Variants in NAGLU observed in about 807,000 individuals in gnomAD.
NAGLU encodes the protein alpha-N-acetylglucosaminidase.
Under a neutral mutation model 43.4 loss-of-function variants are expected in NAGLU, and 34 were observed. The observed-to-expected ratio is 0.78, with a 90% CI of 0.60 to 1.04. The LOEUF (loss-of-function observed/expected upper bound fraction) is 1.04. Ranked by LOEUF, NAGLU falls within the 50% of genes least tolerant of loss-of-function variation. NAGLU has a pLI of 0.00. For synonymous variants in NAGLU, 425 were observed against 437.6 expected (o/e 0.97, Z 0.36); for missense variants, 910 against 993.7 (o/e 0.92, Z 1.13).
At position 42,543,810 on chromosome 17, in the gene NAGLU, C is replaced by G; in HGVS notation, c.1804C>G (p.Leu602Val). ...LRAGGVLAYE[L>V]LPALDEVLAS... ...GGCTGGAGGCGTCCTGGCCTATGAG[C>G]TGCTGCCGGCACTGGACGAGGTGCT... Residue 602 changes from leucine (L) to valine (V), a missense_variant, in exon 6 of 6, where the codon CTG becomes GTG. Coordinates refer to ENST00000225927, the MANE Select transcript of NAGLU (RefSeq NM_000263.4). 1 of 1,606,120 alleles carries G rather than the reference C, an allele frequency of 6.2e-7. No homozygotes were observed. Among genetic ancestry groups the G allele is most frequent in the Non-Finnish European group, 8.5e-7 (1 of 1,176,910 alleles).
chr17:42,537,696 G>C, intron 2 of NAGLU, 151 bp downstream of exon 2: 1 of 1,153,684 alleles, frequency 8.7e-7, no homozygotes, highest in South Asian at 1.5e-5. Context: ...TGAGGCTTCC[G>C]GCCGGGCGCG....
chr17:42,539,057 C>T lies in NAGLU; in HGVS notation c.764+302C>T, dbSNP rs140074491. 1.2e-4 allele frequency among the ~76,000 whole-genome samples: 19 copies of T among 152,292 alleles called. No homozygotes were observed. The East Asian group carries it at 3.7e-3, about 29-fold the overall frequency. On this transcript the variant is annotated intron_variant, in intron 4 of 5. Coordinates refer to ENST00000225927, the MANE Select transcript of NAGLU (RefSeq NM_000263.4). The stretch of plus-strand genomic sequence containing the variant: ...GAATTGCTTAAACCTGGGAGGCAGA[C>T]GTTGCAGTGAGTCAAGATCACGCCA...
At chr17:42,536,703 C>G (rs937828771) in intron 1 of NAGLU, 48 bp downstream of exon 1, 4 of 1,382,478 alleles carry the variant, frequency 2.9e-6, no homozygotes, top group Non-Finnish European at 3.7e-6. Flanking sequence ...CTTACCCCCT[C>G]CCGGAGCCGC....
chr17:42,541,814 G>A (rs2092922418), intron 5 of NAGLU, among the ~76,000 whole-genome samples: 1 of 152,162 alleles, frequency 6.6e-6, no homozygotes, highest in Non-Finnish European at 1.5e-5. Context: ...TGCTCCAAGT[G>A]TGACCCAAAA....
Position 42,537,305 on chromosome 17 carries a change from T to A in NAGLU, c.384-93T>A, listed in dbSNP as rs570287397. ...GCAGAAGGGCCGAGTTTGGAGCCCCTCCCCTCTCCTCTAGGTGGGGGATGG... is the reference window on the plus strand; with the variant it reads ...GCAGAAGGGCCGAGTTTGGAGCCCCACCCCTCTCCTCTAGGTGGGGGATGG... On this transcript the variant is annotated intron_variant, in intron 1 of 5. Transcript: ENST00000225927. The A allele has an allele frequency of 3.2e-4, 513 of 1,586,938 alleles. 3 individuals are homozygous for A. Among genetic ancestry groups the A allele is most frequent in the Non-Finnish European group, 2.8e-5 (32 of 1,158,648 alleles).
In NAGLU at chr17:42,537,517, G is replaced by C. The variant is rs398123281; in HGVS notation, c.503G>C (p.Trp168Ser). ...AATGGCATCAACCTGGCACTGGCCTGGAGCGGCCAGGAGGCCATCTGGCAG... is the reference window on the plus strand; with the variant it reads ...AATGGCATCAACCTGGCACTGGCCTCGAGCGGCCAGGAGGCCATCTGGCAG... ...ALNGINLALA[W>S]SGQEAIWQRV... Residue 168 changes from tryptophan (W) to serine (S), a missense_variant, in exon 2 of 6, where the codon TGG becomes TCG. Trp to Ser is a radical substitution (Grantham distance 177). Coordinates refer to ENST00000225927, the MANE Select transcript of NAGLU (RefSeq NM_000263.4). 6.2e-7 allele frequency: 1 copy of C among 1,614,066 alleles called. No homozygotes were observed. Among genetic ancestry groups the C allele is most frequent in the Non-Finnish European group, 8.5e-7 (1 of 1,179,954 alleles).
chr17:42,543,320 G>C lies in NAGLU; in HGVS notation c.1314G>C (p.Met438Ile), dbSNP rs886493431. 6.2e-7 allele frequency: 1 copy of C among 1,613,580 alleles called. No individual in the cohort carries two copies. Among genetic ancestry groups the C allele is most frequent in the Admixed American group, 1.7e-5 (1 of 60,030 alleles). The change falls in exon 6 of 6, where the codon ATG becomes ATC. Residue 438 changes from methionine (M) to isoleucine (I), a missense_variant. Coordinates refer to ENST00000225927, the MANE Select transcript of NAGLU (RefSeq NM_000263.4). ...EAARLFPNST[M>I]VGTGMAPEGI... ...CCCGCCTCTTCCCCAACTCCACCATGGTAGGCACGGGCATGGCCCCCGAGG... is the reference window on the plus strand; with the variant it reads ...CCCGCCTCTTCCCCAACTCCACCATCGTAGGCACGGGCATGGCCCCCGAGG...
chr17:42,538,509 G>T (rs771626519), intron 3 of NAGLU, 24 bp downstream of exon 3: 1 of 1,613,758 alleles, frequency 6.2e-7, no homozygotes, highest in Admixed American at 1.7e-5. Flanking sequence ...AAAGGGAAGG[G>T]GCAGAATCGG....
intron 1 of NAGLU, 53 bp from the exon 2 acceptor site, chr17:42,537,345 G>C: frequency 6.2e-7 from 1 of 1,612,772 alleles, no homozygotes; most frequent in South Asian, 1.1e-5. Flanking sequence ...TTTGTTCCAG[G>C]GCCGTGGACC....
intron 5 of NAGLU, 61 bp from the exon 6 acceptor site, chr17:42,542,967 A>C: frequency 6.3e-7 from 1 of 1,588,534 alleles, no homozygotes; most frequent in Non-Finnish European, 8.5e-7. Context: ...TGGGGTGAAC[A>C]TTCCCTGGGC....
rs772950949 is a variant in NAGLU, at chr17:42,544,192, A to G, written c.2186A>G (p.Lys729Arg). 1 of 1,612,936 alleles carries G rather than the reference A, an allele frequency of 6.2e-7. No homozygotes were observed. The highest frequency in any genetic ancestry group is 1.7e-5 in the Admixed American group (1 of 60,012). Residue 729 changes from lysine (K) to arginine (R), a missense_variant, in exon 6 of 6, where the codon AAG (lysine) becomes AGG (arginine). Lys to Arg is a conservative substitution (Grantham distance 26, BLOSUM62 2). Transcript: ENST00000225927. The stretch of plus-strand genomic sequence containing the variant: ...GGAGACACTGTGGACCTGGCCAAGA[A>G]GATCTTCCTCAAATATTACCCCCGC... ...PRGDTVDLAKKIFLKYYPRWV... is the reference protein window; with the variant it reads ...PRGDTVDLAKRIFLKYYPRWV...
intron 4 of NAGLU, among the ~76,000 whole-genome samples, chr17:42,539,194 C>T (rs1445388771): frequency 1.3e-5 from 2 of 152,202 alleles, no homozygotes; most frequent in African/African-American, 2.4e-5. Flanking sequence ...TGTGTGACTT[C>T]GGGCAGATGA....
intron 2 of NAGLU, among the ~76,000 whole-genome samples, 157 bp from the exon 3 acceptor site, chr17:42,538,182 T>C (rs2092912017): frequency 6.6e-6 from 1 of 152,262 alleles, no homozygotes; most frequent in Non-Finnish European, 1.5e-5. Flanking sequence ...CACAGGTCTC[T>C]TTCCTCTGGG....
chr17:42,543,833 G>A lies in NAGLU; in HGVS notation c.1827G>A (p.Val609=). Reference sequence around the variant, plus strand: ...AGCTGCTGCCGGCACTGGACGAGGTGCTGGCTAGTGACAGCCGCTTCTTGC... The same window carrying A: ...AGCTGCTGCCGGCACTGGACGAGGTACTGGCTAGTGACAGCCGCTTCTTGC... ...AYELLPALDE[V]LASDSRFLLG... is the part of the protein sequence containing the mutation. Residue 609 remains valine, a synonymous_variant, in exon 6 of 6, where the codon GTG becomes GTA. Transcript: ENST00000225927. The A allele has an allele frequency of 6.2e-7, 1 of 1,601,242 alleles. No individual in the cohort carries two copies. The highest frequency in any genetic ancestry group is 8.5e-7 in the Non-Finnish European group (1 of 1,174,446).
rs772996063 is a variant in NAGLU, at chr17:42,537,388, C to T, written c.384-10C>T. On this transcript the variant is annotated splice_polypyrimidine_tract_variant and intron_variant, in intron 1 of 5. Transcript: ENST00000225927. The stretch of plus-strand genomic sequence containing the variant: ...GTGGGATGCGCCCCTGCTCATGACA[C>T]TGCCCGCAGGTACCGCTATTACCAG... 6.2e-7 allele frequency: 1 copy of T among 1,614,138 alleles called. No individual in the cohort carries two copies. The highest frequency in any genetic ancestry group is 8.5e-7 in the Non-Finnish European group (1 of 1,179,956).
chr17:42,536,880 A>G, intron 1 of NAGLU: 1 of 917,108 alleles, frequency 1.1e-6, no homozygotes. Flanking sequence ...TATTGTGAGG[A>G]TTTGCACGAT....
chr17:42,544,255 G>T lies in NAGLU; in HGVS notation c.*17G>T. 1 of 1,605,778 alleles carries T rather than the reference G, an allele frequency of 6.2e-7. No homozygotes were observed. Among genetic ancestry groups the T allele is most frequent in the Non-Finnish European group, 8.5e-7 (1 of 1,179,972 alleles). On this transcript the variant is annotated 3_prime_UTR_variant, in exon 6 of 6. Coordinates refer to ENST00000225927, the MANE Select transcript of NAGLU (RefSeq NM_000263.4). ...TCTTGGTGATAGATTCGCCACCACTGGGCCTTGTTTTCCGCTAATTCCAGG... is the reference window on the plus strand; with the variant it reads ...TCTTGGTGATAGATTCGCCACCACTTGGCCTTGTTTTCCGCTAATTCCAGG...
chr17:42,537,873 A>C (rs937511111), intron 2 of NAGLU, among the ~76,000 whole-genome samples: 15 of 151,776 alleles, frequency 9.9e-5, no homozygotes, highest in South Asian at 2.1e-4. Context: ...AAAAAAAAAA[A>C]AAAAAAACTG....
chr17:42,538,967 T>C (rs1235923258), intron 4 of NAGLU, among the ~76,000 whole-genome samples: 2 of 152,024 alleles, frequency 1.3e-5, no homozygotes, highest in Admixed American at 6.6e-5. Flanking sequence ...ACTAAAAATA[T>C]AAAAATTAGC....
Sources: allele counts gnomAD v4.1 joint callset (sites outside exome capture counted in the v4.1 genomes callset), GRCh38; gene constraint gnomAD v4.1.1; transcripts MANE v1.5; gene names NCBI Gene and HGNC (gene_info 2026-07-23, HGNC 2026-07-21).